The following GCNT2 variants were observed in gnomAD, a reference collection of about 807,000 sequenced individuals.
GCNT2 encodes the protein glucosaminyl (N-acetyl) transferase 2 (I blood group), also known as N-acetyllactosaminide beta-1,6-N-acetylglucosaminyl-transferase.
GCNT2 carries 34 observed loss-of-function variants against 34.2 expected under a neutral mutation model. That is an observed-to-expected ratio of 1.00 (90% CI 0.76 to 1.32). The LOEUF is 1.32. Among genes scored for constraint, GCNT2 ranks in the 40% most tolerant of loss-of-function variants. The pLI is 0.00. For synonymous variants in GCNT2, 212 were observed against 188.0 expected (o/e 1.13, Z -1.04); for missense variants, 584 against 489.4 (o/e 1.19, Z -1.82).
chr6:10,573,134 C>T (rs1020412262), intron 3 of GCNT2: 20 of 953,200 alleles, frequency 2.1e-5, no homozygotes, highest in East Asian at 2.3e-4. Flanking sequence ...TGAAAGTGTT[C>T]GGAAGATATA....
intron 3 of GCNT2, among the ~76,000 whole-genome samples, chr6:10,616,835 A>G (rs1259143777): frequency 6.6e-6 from 1 of 152,142 alleles, no homozygotes. Context: ...CAGAGTGCCA[A>G]TTGGTGCATT....
At chr6:10,581,136 C>T (rs181132552) in intron 3 of GCNT2, among the ~76,000 whole-genome samples, 3 of 152,292 alleles carry the variant, frequency 2.0e-5, no homozygotes, top group African/African-American at 7.2e-5. Flanking sequence ...ACAAAACAAA[C>T]CTACTGCTAG....
chr6:10,522,774 G>GGT, intron 1 of GCNT2, among the ~76,000 whole-genome samples: 1 of 152,202 alleles, frequency 6.6e-6, no homozygotes, highest in African/African-American at 2.4e-5. Context: ...AGGTCGGGAG[G>GGT]GTAAGAGCAA....
At chr6:10,555,104 A>G (rs558609160) in intron 3 of GCNT2, among the ~76,000 whole-genome samples, 6 of 152,268 alleles carry the variant, frequency 3.9e-5, no homozygotes, top group Admixed American at 1.3e-4. Context: ...ATTAAAGGAC[A>G]TTCTTTCTGC....
In GCNT2 at chr6:10,556,174, G is replaced by A. The variant is rs1291079995; in HGVS notation, c.925+26338G>A. ...AGGCAGAGGGAGGAGGGAAGGCTGG[G>A]CTTCAGCAACCTGCCACGGGGATTT... is the stretch of plus-strand genomic sequence containing the variant. On this transcript the variant is annotated intron_variant, in intron 3 of 4. Coordinates refer to ENST00000495262, the MANE Select transcript of GCNT2 (RefSeq NM_145649.5). 1 of 1,374,982 alleles carries A rather than the reference G, an allele frequency of 7.3e-7. No individual in the cohort carries two copies. Among genetic ancestry groups the A allele is most frequent in the East Asian group, 2.9e-5 (1 of 34,628 alleles). 85.2% of individuals were successfully genotyped at this position (1,374,982 alleles called of 1,614,324 possible).
intron 3 of GCNT2, among the ~76,000 whole-genome samples, chr6:10,550,241 G>A (rs1581392219): frequency 6.6e-6 from 1 of 151,956 alleles, no homozygotes; most frequent in African/African-American, 2.4e-5. Flanking sequence ...TTTAGTAGAG[G>A]TGGGGTTTCG....
chr6:10,531,212 C>T (rs1761471804), intron 3 of GCNT2, among the ~76,000 whole-genome samples: 1 of 152,180 alleles, frequency 6.6e-6, no homozygotes. Context: ...AATAAGGTCT[C>T]AATTGTTGCT....
At chr6:10,594,151 C>G (rs1764754091) in intron 3 of GCNT2, among the ~76,000 whole-genome samples, 1 of 152,226 alleles carries the variant, frequency 6.6e-6, no homozygotes, top group Non-Finnish European at 1.5e-5. Context: ...TCTGATTCAG[C>G]AGGTCTGGAG....
intron 3 of GCNT2, among the ~76,000 whole-genome samples, chr6:10,591,987 T>C (rs1357514211): frequency 6.6e-6 from 1 of 152,240 alleles, no homozygotes. Context: ...GCCCAGACTT[T>C]GAATTCAGTT....
At chr6:10,572,401 A>G (rs2127397819) in intron 3 of GCNT2, among the ~76,000 whole-genome samples, 1 of 152,218 alleles carries the variant, frequency 6.6e-6, no homozygotes, top group East Asian at 1.9e-4. Context: ...TTGAGGAGAG[A>G]GTATAGAGTT....
intron 3 of GCNT2, among the ~76,000 whole-genome samples, chr6:10,563,569 C>T (rs1413046352): frequency 1.3e-5 from 2 of 151,336 alleles, no homozygotes; most frequent in African/African-American, 2.4e-5. Flanking sequence ...TGGTGAAATG[C>T]CTTCTCTACT....
At chr6:10,612,996 C>T (rs1765624462) in intron 3 of GCNT2, among the ~76,000 whole-genome samples, 1 of 152,162 alleles carries the variant, frequency 6.6e-6, no homozygotes, top group African/African-American at 2.4e-5. Context: ...TGTGAGAAAG[C>T]CCTTTCAATA....
chr6:10,569,877 C>T (rs1763469934), intron 3 of GCNT2, among the ~76,000 whole-genome samples: 1 of 136,606 alleles, frequency 7.3e-6, no homozygotes, highest in African/African-American at 3.2e-5. Flanking sequence ...TTCTTTCTTT[C>T]TCTTTCTTTT....
chr6:10,536,530 A>G (rs1233071655), intron 3 of GCNT2, among the ~76,000 whole-genome samples: 1 of 148,918 alleles, frequency 6.7e-6, no homozygotes, highest in Non-Finnish European at 1.5e-5. Flanking sequence ...AATTTTTTGT[A>G]TATTTAGTAG....
chr6:10,522,407 C>G (rs999107320), intron 1 of GCNT2, among the ~76,000 whole-genome samples: 1 of 152,112 alleles, frequency 6.6e-6, no homozygotes, highest in Non-Finnish European at 1.5e-5. Flanking sequence ...TTTCTGTTTT[C>G]CTTATTTTTA....
intron 3 of GCNT2, among the ~76,000 whole-genome samples, chr6:10,607,672 T>C (rs1465809852): frequency 6.6e-6 from 1 of 152,162 alleles, no homozygotes; most frequent in African/African-American, 2.4e-5. Flanking sequence ...ATATAATTTA[T>C]TTAGAAAAGC....
chr6:10,626,549 A>T lies in GCNT2; in HGVS notation c.1151A>T (p.His384Leu). The part of the protein sequence containing the change: ...PLTVECLELR[H>L]RERTLNQSET... ...ACTGTGGAATGCCTAGAACTGAGGCATCGCGAAAGAACCCTCAATCAGAGT... is the reference window on the plus strand; with the variant it reads ...ACTGTGGAATGCCTAGAACTGAGGCTTCGCGAAAGAACCCTCAATCAGAGT... Residue 384 changes from histidine (H) to leucine (L), a missense_variant, in exon 5 of 5, where the codon CAT becomes CTT. Coordinates refer to ENST00000495262, the MANE Select transcript of GCNT2 (RefSeq NM_145649.5). The T allele has an allele frequency of 6.2e-7, 1 of 1,613,824 alleles. No individual in the cohort carries two copies. Among genetic ancestry groups the T allele is most frequent in the Non-Finnish European group, 8.5e-7 (1 of 1,179,700 alleles).
At chr6:10,553,608 A>C (rs1762568606) in intron 3 of GCNT2, among the ~76,000 whole-genome samples, 1 of 152,206 alleles carries the variant, frequency 6.6e-6, no homozygotes, top group South Asian at 2.1e-4. Context: ...AAAATCATTA[A>C]ATAGGCCGGG....
At chr6:10,583,234 CTG>C (rs1362089711) in intron 3 of GCNT2, among the ~76,000 whole-genome samples, 1 of 152,194 alleles carries the variant, frequency 6.6e-6, no homozygotes, top group East Asian at 1.9e-4. Context: ...ATCCACGGCA[CTG>C]TTGCCATTCA....
Sources: gnomAD v4.1 joint callset for allele counts (sites outside exome capture counted in the v4.1 genomes callset) on GRCh38, gnomAD v4.1.1 for gene constraint, MANE v1.5 for transcripts, NCBI Gene and HGNC (gene_info 2026-07-23, HGNC 2026-07-21) for gene names.